UNC5C: variants seen among roughly 807,000 people sequenced by gnomAD.
UNC5C encodes netrin receptor UNC5C.
Under a neutral mutation model 99.8 loss-of-function variants are expected in UNC5C, and 47 were observed. The ratio of observed to expected loss-of-function variants is 0.47; its 90% CI spans 0.37 to 0.60. UNC5C has a LOEUF of 0.60. Ranked by LOEUF, UNC5C falls within the 20% of genes least tolerant of loss-of-function variation. The pLI, the probability that UNC5C is intolerant of heterozygous loss-of-function variation, is 0.00. For synonymous variants in UNC5C, 487 were observed against 452.2 expected, an observed-to-expected ratio of 1.08 and a Z score of -0.98; for missense variants, 1,062 against 1,165.9, an observed-to-expected ratio of 0.91 and a Z score of 1.30.
At chr4:95,183,130 T>TG in intron 13 of UNC5C, 69 bp from the exon 14 acceptor site, 2 of 1,477,312 alleles carry the variant, frequency 1.4e-6, no homozygotes, top group Non-Finnish European at 1.9e-6. Flanking sequence ...GATGGTCTGC[T>TG]GCCAGGTACT....
At chr4:95,249,285 T>C (rs1190601259) in intron 5 of UNC5C, among the ~76,000 whole-genome samples, 2 of 152,192 alleles carry the variant, frequency 1.3e-5, no homozygotes, top group Non-Finnish European at 2.9e-5. Context: ...TGACTGACTG[T>C]ACTATGAGCC....
intron 12 of UNC5C, among the ~76,000 whole-genome samples, chr4:95,189,694 A>T (rs1736990566): frequency 2.6e-5 from 4 of 152,188 alleles, no homozygotes; most frequent in African/African-American, 9.7e-5. Context: ...ATGAACAGAC[A>T]CTTCTCAAAA....
chr4:95,190,353 G>T (rs1484332444), intron 12 of UNC5C, among the ~76,000 whole-genome samples: 1 of 150,656 alleles, frequency 6.6e-6, no homozygotes, highest in Non-Finnish European at 1.5e-5. Context: ...GGTGGGGGGA[G>T]GCGGGAGGGA....
At chr4:95,338,876 C>T (rs2149422661) in intron 1 of UNC5C, among the ~76,000 whole-genome samples, 1 of 151,998 alleles carries the variant, frequency 6.6e-6, no homozygotes, top group East Asian at 1.9e-4. Flanking sequence ...ATTTGTGTGG[C>T]CCGGTGTAGA....
intron 6 of UNC5C, 151 bp downstream of exon 6, chr4:95,244,826 G>C: frequency 1.8e-6 from 2 of 1,089,858 alleles, no homozygotes; most frequent in Admixed American, 2.7e-5. Context: ...GAAAATACTT[G>C]ATTTCCCAGC....
In UNC5C at chr4:95,453,085, C is replaced by T. The variant is rs1352192369; in HGVS notation, c.124+95649G>A. ...AGGGATTTGAAACTAGTTTTTCTCC[C>T]TTTTCCATAGGCCGTCATCTAACTA... is the stretch of plus-strand genomic sequence containing the variant. On this transcript the variant is annotated intron_variant, in intron 1 of 15. Transcript: ENST00000453304. Among the ~76,000 whole-genome samples the T allele has an allele frequency of 2.0e-5, 3 of 152,080 alleles. No individual in the cohort carries two copies. In the East Asian group the frequency reaches 5.8e-4, roughly 29 times the overall value.
chr4:95,471,104 C>T, intron 1 of UNC5C, among the ~76,000 whole-genome samples: 1 of 146,384 alleles, frequency 6.8e-6, no homozygotes, highest in South Asian at 2.1e-4. Flanking sequence ...GGAAGACTGG[C>T]TGGAACTTAA....
chr4:95,460,402 C>T (rs191315753), intron 1 of UNC5C, among the ~76,000 whole-genome samples: 53 of 152,180 alleles, frequency 3.5e-4, no homozygotes, highest in African/African-American at 1.3e-3. Flanking sequence ...GTGTCCACAC[C>T]GAAAAGTCAT....
At chr4:95,208,123 G>A (rs1265266209) in intron 10 of UNC5C, among the ~76,000 whole-genome samples, 1 of 152,142 alleles carries the variant, frequency 6.6e-6, no homozygotes, top group East Asian at 1.9e-4. Flanking sequence ...GTGGCACCTT[G>A]AACTCAACAC....
At chr4:95,203,190 C>G (rs1211370104) in intron 11 of UNC5C, among the ~76,000 whole-genome samples, 2 of 152,054 alleles carry the variant, frequency 1.3e-5, no homozygotes. Flanking sequence ...ATTTTTTGAT[C>G]TTCTAAGAAT....
At chr4:95,284,884 A>C (rs1741179515) in intron 3 of UNC5C, among the ~76,000 whole-genome samples, 2 of 152,148 alleles carry the variant, frequency 1.3e-5, no homozygotes, top group South Asian at 2.1e-4. Context: ...CTCTTGAGCA[A>C]CTTTGCCTGT....
In UNC5C at chr4:95,422,065, CA is replaced by C. The variant is rs373720901; in HGVS notation, c.125-86435del. ...TCCCAAGACAGCAGGCAACATGAAA[CA>C]AAAAAGAGAAGTTCAAGACCTCACT... On this transcript the variant is annotated intron_variant, in intron 1 of 15. Transcript: ENST00000453304. 2.0e-4 allele frequency among the ~76,000 whole-genome samples: 30 copies of C among 152,204 alleles called. No homozygotes were observed. The South Asian group carries it at 4.8e-3, about 24-fold the overall frequency.
chr4:95,444,599 G>A (rs1747042497), intron 1 of UNC5C, among the ~76,000 whole-genome samples: 1 of 152,144 alleles, frequency 6.6e-6, no homozygotes, highest in Non-Finnish European at 1.5e-5. Flanking sequence ...CCAAAGTGCT[G>A]GGATTACAGG....
intron 1 of UNC5C, among the ~76,000 whole-genome samples, chr4:95,532,530 C>A (rs1177376931): frequency 6.6e-6 from 1 of 151,556 alleles, no homozygotes; most frequent in African/African-American, 2.4e-5. Context: ...AGAATCAACT[C>A]ATCAATTCCT....
intron 1 of UNC5C, among the ~76,000 whole-genome samples, chr4:95,404,706 G>C (rs1188522429): frequency 6.6e-6 from 1 of 152,100 alleles, no homozygotes; most frequent in African/African-American, 2.4e-5. Context: ...GTATATCTGC[G>C]GCCCTAAATG....
intron 4 of UNC5C, among the ~76,000 whole-genome samples, chr4:95,265,687 G>C (rs1041577662): frequency 8.5e-5 from 13 of 152,112 alleles, no homozygotes; most frequent in Non-Finnish European, 1.9e-4. Flanking sequence ...TCATTATAAT[G>C]AACCAAATTT....
In UNC5C at chr4:95,475,535, A is replaced by G. The variant is rs570664146; in HGVS notation, c.124+73199T>C. Among the ~76,000 whole-genome samples the G allele has an allele frequency of 5.9e-5, 8 of 136,592 alleles. No homozygotes were observed. The East Asian group carries it at 1.7e-3, about 29-fold the overall frequency. 89.6% of individuals were successfully genotyped at this position (136,592 alleles called of 152,430 possible). On this transcript the variant is annotated intron_variant, in intron 1 of 15. Coordinates refer to ENST00000453304, the MANE Select transcript of UNC5C (RefSeq NM_003728.4). ...ACAGTCAGGAGAGAAAGACAGACAG[A>G]TAGACAGACAGATGGATAGATAGAT...
chr4:95,493,763 G>T (rs766620459), intron 1 of UNC5C, among the ~76,000 whole-genome samples: 1 of 151,324 alleles, frequency 6.6e-6, no homozygotes, highest in African/African-American at 2.4e-5. Context: ...GTATATTCCT[G>T]CTTGTTTCAG....
chr4:95,213,243 A>G (rs1738135895), intron 10 of UNC5C, among the ~76,000 whole-genome samples: 1 of 152,346 alleles, frequency 6.6e-6, no homozygotes, highest in East Asian at 1.9e-4. Context: ...TTCAATTCCA[A>G]TTGTTTTCCA....
Sources: allele counts gnomAD v4.1 joint callset (sites outside exome capture counted in the v4.1 genomes callset), GRCh38; gene constraint gnomAD v4.1.1; transcripts MANE v1.5; gene names NCBI Gene and HGNC (gene_info 2026-07-23, HGNC 2026-07-21).